The following CNTNAP2 variants were observed in gnomAD, a reference collection of about 807,000 sequenced individuals.
CNTNAP2 encodes the protein contactin associated protein 2.
CNTNAP2 carries 98 observed loss-of-function variants against 155.2 expected under a neutral mutation model. The observed-to-expected ratio is 0.63, with a 90% CI of 0.54 to 0.75. The LOEUF (loss-of-function observed/expected upper bound fraction) is 0.75. Ranked by LOEUF, CNTNAP2 falls within the 30% of genes least tolerant of loss-of-function variation. The pLI is 0.00. For missense variants in CNTNAP2, 1,727 were observed against 1,688.1 expected (o/e 1.02, Z -0.40); for synonymous variants, 651 against 631.2 (o/e 1.03, Z -0.47).
chr7:147,220,603 T>C (rs1426942529), intron 8 of CNTNAP2, among the ~76,000 whole-genome samples: 1 of 152,240 alleles, frequency 6.6e-6, no homozygotes, highest in East Asian at 1.9e-4. Context: ...GTTGCCTTTC[T>C]TTGTTCCTAT....
intron 1 of CNTNAP2, among the ~76,000 whole-genome samples, chr7:146,374,757 T>C (rs1015961372): frequency 1.3e-5 from 2 of 152,244 alleles, no homozygotes; most frequent in Non-Finnish European, 2.9e-5. Flanking sequence ...ATGCCATTCA[T>C]ACGGATTAAA....
At chr7:147,463,114 T>C (rs546735143) in intron 10 of CNTNAP2, among the ~76,000 whole-genome samples, 42 of 152,332 alleles carry the variant, frequency 2.8e-4, no homozygotes, top group African/African-American at 9.4e-4. Context: ...ATGAGATTTG[T>C]GCCCTGGGTC....
At chr7:148,067,787 G>A (rs772942863) in intron 15 of CNTNAP2, among the ~76,000 whole-genome samples, 19 of 152,338 alleles carry the variant, frequency 1.2e-4, no homozygotes, top group Non-Finnish European at 2.2e-4. Context: ...AGGATTAGGC[G>A]TGTCTGAGCT....
intron 3 of CNTNAP2, among the ~76,000 whole-genome samples, chr7:146,851,657 TGTGTGTG>T (rs1794881184): frequency 4.9e-5 from 2 of 40,814 alleles, no homozygotes; most frequent in African/African-American, 2.9e-4. Context: ...CTTCTGTGTG[TGTGTGTG>T]TGTGTGTGTG....
intron 20 of CNTNAP2, among the ~76,000 whole-genome samples, chr7:148,250,837 G>T (rs1327132229): frequency 1.3e-5 from 2 of 152,066 alleles, no homozygotes; most frequent in Non-Finnish European, 2.9e-5. Flanking sequence ...TCATATTTTT[G>T]TTTTGCTTTG....
At chr7:146,470,400 A>C (rs1796779903) in intron 1 of CNTNAP2, among the ~76,000 whole-genome samples, 2 of 152,164 alleles carry the variant, frequency 1.3e-5, no homozygotes, top group South Asian at 4.1e-4. Flanking sequence ...AACAACTCTT[A>C]CTTGCAAAAT....
At chr7:146,292,064 G>A (rs1165414009) in intron 1 of CNTNAP2, among the ~76,000 whole-genome samples, 1 of 152,066 alleles carries the variant, frequency 6.6e-6, no homozygotes, top group Non-Finnish European at 1.5e-5. Context: ...TAGAAAATGG[G>A]CAAAGGAGCT....
At chr7:146,401,400 A>G (rs995805455) in intron 1 of CNTNAP2, among the ~76,000 whole-genome samples, 1 of 152,192 alleles carries the variant, frequency 6.6e-6, no homozygotes, top group South Asian at 2.1e-4. Context: ...AATGGAAAAG[A>G]ACAAAGGCAG....
At chr7:148,397,298 T>C (rs1196297523) in intron 22 of CNTNAP2, among the ~76,000 whole-genome samples, 1 of 152,238 alleles carries the variant, frequency 6.6e-6, no homozygotes, top group African/African-American at 2.4e-5. Context: ...AGAGGATTCC[T>C]GGTGTGCATC....
At chr7:147,541,432 T>C (rs1328382814) in intron 11 of CNTNAP2, among the ~76,000 whole-genome samples, 2 of 152,118 alleles carry the variant, frequency 1.3e-5, no homozygotes, top group Non-Finnish European at 2.9e-5. Context: ...ATATGACACA[T>C]AGGAAGAGCT....
intron 1 of CNTNAP2, among the ~76,000 whole-genome samples, chr7:146,644,587 ATTCATCAAGG>A (rs1799776062): frequency 6.6e-6 from 1 of 152,052 alleles, no homozygotes; most frequent in Admixed American, 6.6e-5. Flanking sequence ...TTGCATCAAT[ATTCATCAAGG>A]ATATTGGTCT....
chr7:148,183,353 C>T (rs539025762), intron 18 of CNTNAP2, among the ~76,000 whole-genome samples: 23 of 152,158 alleles, frequency 1.5e-4, no homozygotes, highest in African/African-American at 5.3e-4. Context: ...AGGGAGAAGA[C>T]TCTTTGGAAA....
At chr7:147,142,206 G>C (rs1208345810) in intron 8 of CNTNAP2, among the ~76,000 whole-genome samples, 1 of 152,146 alleles carries the variant, frequency 6.6e-6, no homozygotes. Context: ...TATTGGCTGT[G>C]GGTTTGTCAT....
intron 1 of CNTNAP2, among the ~76,000 whole-genome samples, chr7:146,553,709 T>G (rs1259972454): frequency 2.6e-5 from 4 of 152,246 alleles, no homozygotes; most frequent in Middle Eastern, 3.4e-3. Flanking sequence ...AATATATTTT[T>G]AAAAGTTGCT....
chr7:148,243,578 G>A (rs1324202230), intron 20 of CNTNAP2, among the ~76,000 whole-genome samples: 1 of 152,104 alleles, frequency 6.6e-6, no homozygotes, highest in African/African-American at 2.4e-5. Flanking sequence ...GAGAGAGAGC[G>A]CTTGTGGAGG....
At chr7:146,161,643 A>G (rs1360027015) in intron 1 of CNTNAP2, among the ~76,000 whole-genome samples, 2 of 152,224 alleles carry the variant, frequency 1.3e-5, no homozygotes, top group African/African-American at 4.8e-5. Context: ...GCCTTTCTTC[A>G]CAGAATTGGA....
intron 8 of CNTNAP2, among the ~76,000 whole-genome samples, chr7:147,233,869 T>G (rs1462526118): frequency 6.6e-6 from 1 of 152,100 alleles, no homozygotes; most frequent in Non-Finnish European, 1.5e-5. Context: ...CTTGATCATA[T>G]TATTTCCATG....
intron 9 of CNTNAP2, among the ~76,000 whole-genome samples, chr7:147,381,483 A>C (rs1796535086): frequency 6.6e-6 from 1 of 152,172 alleles, no homozygotes; most frequent in Non-Finnish European, 1.5e-5. Flanking sequence ...TAAGGAATTA[A>C]AGTTATCTGA....
chr7:147,669,135 A>T (rs901284205), intron 13 of CNTNAP2, among the ~76,000 whole-genome samples: 1 of 152,184 alleles, frequency 6.6e-6, no homozygotes, highest in Non-Finnish European at 1.5e-5. Flanking sequence ...AGGATATACC[A>T]TCTGGGTTTA....
Sources: allele counts gnomAD v4.1 joint callset (sites outside exome capture counted in the v4.1 genomes callset), GRCh38; gene constraint gnomAD v4.1.1; transcripts MANE v1.5; gene names NCBI Gene and HGNC (gene_info 2026-07-23, HGNC 2026-07-21).